The following LRRC4C variants were observed in gnomAD, a reference collection of about 807,000 sequenced individuals.
LRRC4C encodes leucine-rich repeat-containing protein 4C.
Under a neutral mutation model 33.6 loss-of-function variants are expected in LRRC4C, and 5 were observed. The observed-to-expected ratio is 0.15, with a 90% CI of 0.08 to 0.31. The LOEUF is 0.31. Ranked by LOEUF, LRRC4C falls within the 10% of genes least tolerant of loss-of-function variation. The pLI is 1.00. For synonymous variants in LRRC4C, 329 were observed against 302.0 expected, an observed-to-expected ratio of 1.09 and a Z score of -0.93; for missense variants, 560 against 796.7, an observed-to-expected ratio of 0.70 and a Z score of 3.58.
chr11:40,448,148 G>T lies in LRRC4C; in HGVS notation c.-269-128427C>A, dbSNP rs909955227. Among the ~76,000 whole-genome samples the T allele has an allele frequency of 2.0e-5, 3 of 152,072 alleles. No individual in the cohort carries two copies. In the East Asian group the frequency reaches 5.8e-4, roughly 29 times the overall value. On this transcript the variant is annotated intron_variant, in intron 3 of 6. Transcript: ENST00000528697. ...ATGCTCCTGCTAAGCTATTACCATT[G>T]CAGTTCCACAAGGCCCTGCCTGATT... is the stretch of plus-strand genomic sequence containing the variant.
chr11:40,319,479 C>G (rs1158856363), intron 4 of LRRC4C, 149 bp downstream of exon 4: 1 of 152,084 alleles, frequency 6.6e-6, no homozygotes, highest in South Asian at 2.1e-4. Flanking sequence ...AAATGTTATC[C>G]CCAAATATTA....
Position 40,114,565 on chromosome 11 carries a change from C to T in LRRC4C, c.1728G>A (p.Thr576=), listed in dbSNP as rs563374621. ...VEIINVDDEI[T]GDTPMESHLP... is the part of the protein sequence containing the mutation. ...GGTGGCTTTCCATGGGTGTGTCTCC[C>T]GTAATCTCATCATCCACATTAATAA... The change falls in exon 7 of 7, where the codon ACG becomes ACA. Residue 576 remains threonine (T), a synonymous_variant. Coordinates refer to ENST00000528697, the MANE Select transcript of LRRC4C (RefSeq NM_001258419.2). 6.2e-6 allele frequency: 10 copies of T among 1,614,042 alleles called. No individual in the cohort carries two copies. Among genetic ancestry groups the T allele is most frequent in the East Asian group, 4.5e-5 (2 of 44,848 alleles).
chr11:40,319,459 G>T (rs1055274763), intron 4 of LRRC4C, among the ~76,000 whole-genome samples, 169 bp downstream of exon 4: 1 of 152,086 alleles, frequency 6.6e-6, no homozygotes, highest in Non-Finnish European at 1.5e-5. Context: ...CGTTTTTGCC[G>T]CATGCACTGA....
chr11:40,125,453 C>A (rs1265507614), intron 6 of LRRC4C, among the ~76,000 whole-genome samples: 1 of 152,042 alleles, frequency 6.6e-6, no homozygotes, highest in Non-Finnish European at 1.5e-5. Context: ...TTCCTCTGGA[C>A]TTCTTATTAT....
intron 1 of LRRC4C, among the ~76,000 whole-genome samples, chr11:41,305,098 T>G (rs1337695417): frequency 2.1e-3 from 11 of 5,320 alleles, no homozygotes; most frequent in East Asian, 0.011. Context: ...GGGAGGGAGG[T>G]GGGGGGGGTC....
intron 1 of LRRC4C, among the ~76,000 whole-genome samples, chr11:41,070,293 A>G (rs1938581702): frequency 6.6e-6 from 1 of 152,198 alleles, no homozygotes; most frequent in Non-Finnish European, 1.5e-5. Context: ...CTTAAATGCA[A>G]AACCCCAAAT....
chr11:40,860,755 CTG>C (rs1024761812), intron 2 of LRRC4C, among the ~76,000 whole-genome samples: 63 of 120,760 alleles, frequency 5.2e-4, no homozygotes, highest in African/African-American at 2.0e-3. Context: ...AGGTCATATT[CTG>C]ATGTTCCAGG....
intron 1 of LRRC4C, among the ~76,000 whole-genome samples, chr11:40,956,785 C>T (rs569836221): frequency 7.2e-5 from 11 of 151,776 alleles, no homozygotes; most frequent in Non-Finnish European, 8.9e-5. Flanking sequence ...CACTCTTTAG[C>T]CCCCCTCCCA....
At chr11:40,570,488 T>C (rs757607903) in intron 3 of LRRC4C, among the ~76,000 whole-genome samples, 1 of 152,158 alleles carries the variant, frequency 6.6e-6, no homozygotes, top group South Asian at 2.1e-4. Flanking sequence ...TTTTAGACTA[T>C]GTAAAATGGT....
intron 5 of LRRC4C, among the ~76,000 whole-genome samples, chr11:40,154,451 C>G (rs532098248): frequency 1.3e-5 from 2 of 152,242 alleles, no homozygotes; most frequent in East Asian, 3.9e-4. Flanking sequence ...AACCAACTAT[C>G]TGCTACCTTC....
At chr11:40,178,512 A>C (rs1590628641) in intron 5 of LRRC4C, among the ~76,000 whole-genome samples, 1 of 152,220 alleles carries the variant, frequency 6.6e-6, no homozygotes, top group African/African-American at 2.4e-5. Flanking sequence ...TACATCTGGG[A>C]TTAATTATTT....
intron 3 of LRRC4C, among the ~76,000 whole-genome samples, chr11:40,355,883 C>T (rs1947633711): frequency 6.6e-6 from 1 of 152,042 alleles, no homozygotes. Context: ...CTAGAAGATT[C>T]TATTCAGCCA....
At chr11:41,174,726 A>G (rs1253859607) in intron 1 of LRRC4C, among the ~76,000 whole-genome samples, 1 of 152,008 alleles carries the variant, frequency 6.6e-6, no homozygotes, top group Non-Finnish European at 1.5e-5. Context: ...CTATATCCTA[A>G]TATTTCACAT....
At chr11:40,571,045 G>A (rs1051495499) in intron 3 of LRRC4C, among the ~76,000 whole-genome samples, 1 of 152,082 alleles carries the variant, frequency 6.6e-6, no homozygotes, top group Non-Finnish European at 1.5e-5. Flanking sequence ...GGCACTGTAT[G>A]TAAATAGTGT....
At chr11:41,210,862 G>A (rs1946794430) in intron 1 of LRRC4C, among the ~76,000 whole-genome samples, 3 of 152,176 alleles carry the variant, frequency 2.0e-5, no homozygotes, top group Non-Finnish European at 1.5e-5. Context: ...ATGGGGGTTG[G>A]GAGTGGATGG....
chr11:40,352,116 TTCCTTCCTTCC>T (rs1947425717), intron 3 of LRRC4C, among the ~76,000 whole-genome samples: 2 of 66,836 alleles, frequency 3.0e-5, no homozygotes, highest in Admixed American at 1.3e-4. Context: ...TCTTTCTTCC[TTCCTTCCTTCC>T]TTCCTTCCTT....
intron 3 of LRRC4C, among the ~76,000 whole-genome samples, chr11:40,572,130 GAACA>G (rs1565516448): frequency 1.3e-5 from 2 of 152,138 alleles, no homozygotes; most frequent in African/African-American, 4.8e-5. Flanking sequence ...CATAAAGCAG[GAACA>G]AACAGTCATT....
At chr11:41,122,291 G>C (rs72892629) in intron 1 of LRRC4C, among the ~76,000 whole-genome samples, 1 of 152,174 alleles carries the variant, frequency 6.6e-6, no homozygotes, top group Non-Finnish European at 1.5e-5. Flanking sequence ...GATTCAGATA[G>C]TTCTGTCGGG....
At chr11:40,367,923 G>T (rs1419925242) in intron 3 of LRRC4C, among the ~76,000 whole-genome samples, 1 of 151,430 alleles carries the variant, frequency 6.6e-6, no homozygotes, top group Admixed American at 6.6e-5. Flanking sequence ...TTAGTATAAT[G>T]TCCCATCTAC....
Sources: gnomAD v4.1 joint callset for allele counts (sites outside exome capture counted in the v4.1 genomes callset) on GRCh38, gnomAD v4.1.1 for gene constraint, MANE v1.5 for transcripts, NCBI Gene and HGNC (gene_info 2026-07-23, HGNC 2026-07-21) for gene names.